EYS: variants seen among roughly 807,000 people sequenced by gnomAD.
EYS encodes EGF-like photoreceptor maintenance factor, also known as protein eyes shut homolog.
Under a neutral mutation model 282.1 loss-of-function variants are expected in EYS, and 250 were observed. The ratio of observed to expected loss-of-function variants is 0.89; its 90% CI spans 0.80 to 0.98. The LOEUF (loss-of-function observed/expected upper bound fraction) is 0.98, where lower values mean the gene tolerates loss of function less well. EYS is among the 50% of genes least tolerant of loss of function. The pLI is 0.00. For synonymous variants in EYS, 1,355 were observed against 1,282.9 expected, an observed-to-expected ratio of 1.06 and a Z score of -1.20; for missense variants, 4,016 against 3,709.0, an observed-to-expected ratio of 1.08 and a Z score of -2.15.
At chr6:64,079,636 A>G (rs1000937584) in intron 32 of EYS, among the ~76,000 whole-genome samples, 1 of 152,002 alleles carries the variant, frequency 6.6e-6, no homozygotes, top group Non-Finnish European at 1.5e-5. Flanking sequence ...GGTTTGTTAC[A>G]TATGTATACA....
intron 12 of EYS, among the ~76,000 whole-genome samples, chr6:65,164,051 C>T (rs1287234410): frequency 6.6e-6 from 1 of 151,222 alleles, no homozygotes; most frequent in Non-Finnish European, 1.5e-5. Flanking sequence ...CTAGCTTAAT[C>T]ATACATGAGC....
At chr6:65,473,870 A>G (rs1048179613) in intron 5 of EYS, among the ~76,000 whole-genome samples, 2 of 151,102 alleles carry the variant, frequency 1.3e-5, no homozygotes, top group Admixed American at 1.3e-4. Flanking sequence ...AAGGAAATGT[A>G]GAATGATTCA....
At chr6:65,266,987 T>TAGAGAGAG (rs1243652825) in intron 12 of EYS, among the ~76,000 whole-genome samples, 48 of 119,582 alleles carry the variant, frequency 4.0e-4, no homozygotes, top group Non-Finnish European at 5.6e-4. Flanking sequence ...CATATATATA[T>TAGAGAGAG]ATAGAGAGAG....
intron 24 of EYS, among the ~76,000 whole-genome samples, chr6:64,604,256 A>C (rs1006436091): frequency 6.6e-6 from 1 of 151,988 alleles, no homozygotes; most frequent in African/African-American, 2.4e-5. Context: ...CTAGGGGAGG[A>C]TGATAATCAT....
At chr6:64,860,850 C>T (rs1159548090) in intron 19 of EYS, among the ~76,000 whole-genome samples, 1 of 152,270 alleles carries the variant, frequency 6.6e-6, no homozygotes, top group Non-Finnish European at 1.5e-5. Context: ...TCAGAGGAGA[C>T]CAACAGTGGA....
chr6:64,391,144 A>T (rs1449150568), intron 28 of EYS, among the ~76,000 whole-genome samples: 11 of 151,454 alleles, frequency 7.3e-5, no homozygotes, highest in South Asian at 2.1e-4. Flanking sequence ...CAAATCTACG[A>T]CTGATTGGTG....
At chr6:64,553,112 G>A (rs1217954549) in intron 26 of EYS, among the ~76,000 whole-genome samples, 1 of 151,938 alleles carries the variant, frequency 6.6e-6, no homozygotes, top group East Asian at 1.9e-4. Context: ...CAACCACCTT[G>A]GGCACATGTT....
chr6:65,033,382 T>C (rs1052917595), intron 13 of EYS, among the ~76,000 whole-genome samples: 24 of 152,282 alleles, frequency 1.6e-4, no homozygotes, highest in Middle Eastern at 6.8e-3. Flanking sequence ...ATGGAAAACA[T>C]GCCTCGAAGG....
intron 16 of EYS, among the ~76,000 whole-genome samples, chr6:64,907,057 A>AT (rs978216385): frequency 1.3e-5 from 2 of 151,862 alleles, no homozygotes; most frequent in East Asian, 3.9e-4. Flanking sequence ...TATTATTATT[A>AT]TTTTTTATTA....
intron 35 of EYS, among the ~76,000 whole-genome samples, chr6:63,891,139 G>A (rs1199606642): frequency 7.9e-5 from 12 of 152,098 alleles, no homozygotes; most frequent in African/African-American, 2.2e-4. Flanking sequence ...ACAAATTCAC[G>A]GCCGAATTCT....
intron 19 of EYS, among the ~76,000 whole-genome samples, chr6:64,867,010 A>AT (rs926963511): frequency 2.0e-5 from 3 of 151,824 alleles, no homozygotes; most frequent in African/African-American, 7.2e-5. Context: ...TGGGTGTGGA[A>AT]TACAGAAGAA....
At chr6:64,404,684 G>A (rs1408341434) in intron 28 of EYS, among the ~76,000 whole-genome samples, 1 of 152,108 alleles carries the variant, frequency 6.6e-6, no homozygotes, top group Non-Finnish European at 1.5e-5. Context: ...TGCTTAATGG[G>A]GTTGGGGACT....
intron 2 of EYS, among the ~76,000 whole-genome samples, chr6:65,531,227 C>T (rs912222061): frequency 6.6e-6 from 1 of 151,986 alleles, no homozygotes; most frequent in Non-Finnish European, 1.5e-5. Flanking sequence ...GTTCTCCCGG[C>T]AAGAGGGAAA....
chr6:63,835,254 T>C (rs1477328846), intron 36 of EYS, among the ~76,000 whole-genome samples: 1 of 147,084 alleles, frequency 6.8e-6, no homozygotes, highest in Non-Finnish European at 1.5e-5. Context: ...TATGTGTCTG[T>C]GTGTGTATAT....
chr6:65,226,210 G>C (rs637624), intron 12 of EYS, among the ~76,000 whole-genome samples: 41,994 of 151,712 alleles, frequency 0.28, 6,340 homozygotes, highest in African/African-American at 0.39. Flanking sequence ...AATTGTGTAC[G>C]TATATACCAG....
At chr6:64,227,989 A>G (rs1322770748) in intron 31 of EYS, among the ~76,000 whole-genome samples, 1 of 152,154 alleles carries the variant, frequency 6.6e-6, no homozygotes, top group African/African-American at 2.4e-5. Context: ...ATTGAAATTT[A>G]CACTTAAATT....
At chr6:64,416,420 A>G (rs11759853) in intron 28 of EYS, among the ~76,000 whole-genome samples, 36,628 of 151,954 alleles carry the variant, frequency 0.24, 4,951 homozygotes, top group East Asian at 0.39. Context: ...GCAGCAGTAA[A>G]CCACTCAATT....
At chr6:64,074,169 A>G (rs1771684537) in intron 32 of EYS, among the ~76,000 whole-genome samples, 1 of 151,668 alleles carries the variant, frequency 6.6e-6, no homozygotes, top group African/African-American at 2.4e-5. Context: ...TAATAAAATG[A>G]TTGTCTGCTA....
At chr6:64,545,106 A>G (rs1337492403) in intron 26 of EYS, among the ~76,000 whole-genome samples, 3 of 152,214 alleles carry the variant, frequency 2.0e-5, no homozygotes, top group Non-Finnish European at 4.4e-5. Context: ...ATGAACATCA[A>G]TGCAAAAATC....
Sources: allele counts gnomAD v4.1 joint callset (sites outside exome capture counted in the v4.1 genomes callset), GRCh38; gene constraint gnomAD v4.1.1; transcripts MANE v1.5; gene names NCBI Gene and HGNC (gene_info 2026-07-23, HGNC 2026-07-21).